UNC45B: variants seen among roughly 807,000 people sequenced by gnomAD.
UNC45B encodes the protein protein unc-45 homolog B.
A neutral mutation model predicts 98.7 loss-of-function variants in UNC45B; 78 were observed. The ratio of observed to expected loss-of-function variants is 0.79; its 90% confidence interval spans 0.66 to 0.95. The LOEUF (loss-of-function observed/expected upper bound fraction) is 0.95, where lower values mean the gene tolerates loss of function less well. UNC45B is among the 40% of genes least tolerant of loss of function. The probability of loss-of-function intolerance (pLI) is 0.00; values close to 1 mark genes in which losing one functional copy is unlikely to be tolerated. For synonymous variants in UNC45B, 462 were observed against 480.4 expected, an observed-to-expected ratio of 0.96 and a Z score of 0.50; for missense variants, 1,225 against 1,184.9, an observed-to-expected ratio of 1.03 and a Z score of -0.50.
rs76197974 is a variant in UNC45B, at chr17:35,185,316, A to T, written c.2530-983A>T. Among the ~76,000 whole-genome samples, 8 of 150,154 alleles carry T rather than the reference A, an allele frequency of 5.3e-5. No individual in the cohort carries two copies. The South Asian group carries it at 8.4e-4, about 16-fold the overall frequency. ...TTTTTTTTAATTTATTTTTATTTTT[A>T]TTTTTTTTTGAGACACAGTCTTGCT... On this transcript the variant is annotated intron_variant, in intron 19 of 19. Transcript: ENST00000394570.
chr17:35,168,395 A>T, intron 10 of UNC45B, 34 bp downstream of exon 10: 1 of 1,312,902 alleles, frequency 7.6e-7, no homozygotes, highest in Admixed American at 3.0e-5. Flanking sequence ...CCTACTCAGT[A>T]CAAGGTGCCA....
chr17:35,163,939 G>A, intron 8 of UNC45B, 56 bp from the exon 9 acceptor site: 1 of 1,513,290 alleles, frequency 6.6e-7, no homozygotes, highest in Non-Finnish European at 8.9e-7. Flanking sequence ...AGTGAGGGGT[G>A]TGTGTGAGGA....
chr17:35,167,970 G>A, intron 9 of UNC45B, 91 bp from the exon 10 acceptor site: 1 of 1,267,408 alleles, frequency 7.9e-7, no homozygotes. Context: ...GTGGAGCCAG[G>A]ATGCAAATCC....
chr17:35,176,234 C>G (rs1445270321), intron 15 of UNC45B, among the ~76,000 whole-genome samples, 200 bp downstream of exon 15: 1 of 152,124 alleles, frequency 6.6e-6, no homozygotes, highest in East Asian at 1.9e-4. Context: ...CATCTATCCT[C>G]CTTGCTGTTG....
At chr17:35,171,789 A>G (rs2092189059) in intron 13 of UNC45B, among the ~76,000 whole-genome samples, 1 of 152,200 alleles carries the variant, frequency 6.6e-6, no homozygotes, top group Non-Finnish European at 1.5e-5. Context: ...AACAGATAAC[A>G]ATTTGATTTT....
rs1354138484 is a variant in UNC45B, at chr17:35,188,920, A to G, written c.*2361A>G. On this transcript the variant is annotated 3_prime_UTR_variant, in exon 20 of 20. Coordinates refer to ENST00000394570, the MANE Select transcript of UNC45B (RefSeq NM_001267052.2). ...AGACTCTTATATTGTTGCTTGTAAG[A>G]GGGCCCTTCTTTGCAGATTTCTTTT... 1 of 151,708 alleles carries G rather than the reference A, an allele frequency of 6.6e-6. No homozygotes were observed. Among genetic ancestry groups the G allele is most frequent in the Non-Finnish European group, 1.5e-5 (1 of 67,958 alleles). 9.4% of individuals were successfully genotyped at this position (151,708 alleles called of 1,614,324 possible).
chr17:35,170,590 CT>C (rs1325730636), intron 12 of UNC45B, among the ~76,000 whole-genome samples: 9 of 147,076 alleles, frequency 6.1e-5, no homozygotes, highest in Non-Finnish European at 1.2e-4. Flanking sequence ...AATTCCAGCA[CT>C]TCAGGAGGCT....
intron 7 of UNC45B, among the ~76,000 whole-genome samples, chr17:35,156,208 G>A (rs959196220): frequency 1.3e-5 from 2 of 152,122 alleles, no homozygotes; most frequent in Non-Finnish European, 2.9e-5. Context: ...GGGAAATGGC[G>A]GGTTATTTTC....
In UNC45B at chr17:35,148,137, T is replaced by C. The variant is rs893280480; in HGVS notation, c.1-127T>C. The C allele has an allele frequency of 4.6e-6, 5 of 1,080,338 alleles. No individual in the cohort carries two copies. The African/African-American group carries it at 7.9e-5, about 17-fold the overall frequency. The allele number at this position is 1,080,338 out of a possible 1,614,324, so 66.9% of individuals were successfully genotyped here. On this transcript the variant is annotated intron_variant, in intron 1 of 19. Coordinates refer to ENST00000394570, the MANE Select transcript of UNC45B (RefSeq NM_001267052.2). The stretch of plus-strand genomic sequence containing the variant: ...TTGGGGGTTCTGGGGGTGGGTCCCT[T>C]CCAGGCAGAATCCCCACCATCCTCT...
At position 35,153,000 on chromosome 17, in the gene UNC45B, C is replaced by T. The variant is rs2092031767; in HGVS notation, c.471+18C>T. On this transcript the variant is annotated intron_variant, in intron 5 of 19. Coordinates refer to ENST00000394570, the MANE Select transcript of UNC45B (RefSeq NM_001267052.2). ...GGGAAAAGGTGAGTGCTGGCCAGTG[C>T]CATCCAGCCAGCAGAAGGACCCGCC... 6.4e-7 allele frequency: 1 copy of T among 1,552,810 alleles called. No individual in the cohort carries two copies.
In UNC45B at chr17:35,189,038, T is replaced by C. The variant is rs546353083; in HGVS notation, c.*2479T>C. 1 of 152,296 alleles carries C rather than the reference T, an allele frequency of 6.6e-6. No individual in the cohort carries two copies. The highest frequency in any genetic ancestry group is 1.9e-4 in the East Asian group (1 of 5,186). 9.4% of individuals were successfully genotyped at this position (152,296 alleles called of 1,614,324 possible). A position where few individuals can be genotyped will look rare whatever the true frequency, so the allele number is the denominator to read the frequency against. On this transcript the variant is annotated 3_prime_UTR_variant, in exon 20 of 20. Transcript: ENST00000394570. ...CCCAAAAACAGCAAGGAACAGCCAA[T>C]ACCTGCCAACTTTCTAGGTTTTTCC...
At chr17:35,152,595 C>G (rs2092028228) in intron 4 of UNC45B, among the ~76,000 whole-genome samples, 1 of 152,220 alleles carries the variant, frequency 6.6e-6, no homozygotes, top group South Asian at 2.1e-4. Context: ...TTACTAGACT[C>G]TAAAACTTGG....
chr17:35,159,236 C>A, intron 7 of UNC45B, 139 bp from the exon 8 acceptor site: 1 of 877,050 alleles, frequency 1.1e-6, no homozygotes, highest in South Asian at 1.8e-5. Context: ...ATGGGCAACA[C>A]TATACTCCCC....
Position 35,177,105 on chromosome 17 carries a change from C to T in UNC45B, c.2114C>T (p.Pro705Leu), listed in dbSNP as rs371935261. 924 of 1,614,154 alleles carry T rather than the reference C, an allele frequency of 5.7e-4. 11 individuals are homozygous for T. The South Asian group carries it at 9.1e-3, about 16-fold the overall frequency. Residue 705 changes from proline to leucine, a missense_variant, in exon 16 of 20, where the codon CCG becomes CTG. Coordinates refer to ENST00000394570, the MANE Select transcript of UNC45B (RefSeq NM_001267052.2). ...ALAKIAAVSN[P>L]DIAFPGERVY... ...GCAAAGATCGCTGCTGTCTCCAATC[C>T]GGACATTGCTTTTCCTGGGGAGCGG...
chr17:35,155,155 G>C lies in UNC45B; in HGVS notation c.640-141G>C, dbSNP rs538261182. 710 of 989,744 alleles carry C rather than the reference G, an allele frequency of 7.2e-4. 3 individuals carry two copies. The African/African-American group carries it at 0.011, about 15-fold the overall frequency. The allele number at this position is 989,744 out of a possible 1,614,324, so 61.3% of individuals were successfully genotyped here. A position where few individuals can be genotyped will look rare whatever the true frequency, so the allele number is the denominator to read the frequency against. The stretch of plus-strand genomic sequence containing the variant: ...GTCAAGAGGTTTCCAGGACAGAGGG[G>C]CCCATGAGGCAATGGCTGCCTGGGC... On this transcript the variant is annotated intron_variant, in intron 6 of 19. Coordinates refer to ENST00000394570, the MANE Select transcript of UNC45B (RefSeq NM_001267052.2).
intron 8 of UNC45B, among the ~76,000 whole-genome samples, chr17:35,159,825 A>G (rs1384130413): frequency 6.6e-6 from 1 of 152,232 alleles, no homozygotes; most frequent in Non-Finnish European, 1.5e-5. Context: ...TCCACCAACC[A>G]CAGGATAAAA....
intron 7 of UNC45B, among the ~76,000 whole-genome samples, chr17:35,159,058 C>T (rs1030382400): frequency 1.3e-5 from 2 of 152,182 alleles, no homozygotes; most frequent in Non-Finnish European, 1.5e-5. Flanking sequence ...TTAGAAACCA[C>T]ATAAAGCATC....
In UNC45B at chr17:35,150,061, C is replaced by T. The variant is rs2092005520; in HGVS notation, c.219C>T (p.Asn73=). 2 of 1,606,858 alleles carry T rather than the reference C, an allele frequency of 1.2e-6. No homozygotes were observed. Among genetic ancestry groups the T allele is most frequent in the Non-Finnish European group, 1.7e-6 (2 of 1,176,522 alleles). The change falls in exon 4 of 20, where the codon AAC becomes AAT. Residue 73 remains asparagine (N), a synonymous_variant. Coordinates refer to ENST00000394570, the MANE Select transcript of UNC45B (RefSeq NM_001267052.2). ...TCCCCTCGATAGCCATCGACATCAACTCCTCGGACATCAAGGCTCTGTATC... is the reference window on the plus strand; with the variant it reads ...TCCCCTCGATAGCCATCGACATCAATTCCTCGGACATCAAGGCTCTGTATC... ...ASDASRAIDI[N]SSDIKALYRR...
chr17:35,178,152 G>T (rs1296877141), intron 17 of UNC45B, among the ~76,000 whole-genome samples: 1 of 152,114 alleles, frequency 6.6e-6, no homozygotes, highest in East Asian at 1.9e-4. Context: ...TGCCCGCCTT[G>T]GTCTCCCAAA....
Sources: gnomAD v4.1 joint callset for allele counts (sites outside exome capture counted in the v4.1 genomes callset) on GRCh38, gnomAD v4.1.1 for gene constraint, MANE v1.5 for transcripts, NCBI Gene and HGNC (gene_info 2026-07-23, HGNC 2026-07-21) for gene names.